Variants in NOS1 observed in about 807,000 individuals in gnomAD.
NOS1 encodes NOS type I.
Under a neutral mutation model 164.5 loss-of-function variants are expected in NOS1, and 51 were observed. The observed-to-expected ratio is 0.31, with a 90% CI of 0.25 to 0.39. NOS1 has a LOEUF of 0.39. Among genes scored for constraint, NOS1 ranks in the 10% least tolerant of loss-of-function variants. The probability of loss-of-function intolerance (pLI) is 1.00; values close to 1 mark genes in which losing one functional copy is unlikely to be tolerated. For synonymous variants in NOS1, 719 were observed against 745.8 expected, an observed-to-expected ratio of 0.96 and a Z score of 0.59; for missense variants, 1,362 against 1,885.6, an observed-to-expected ratio of 0.72 and a Z score of 5.14.
intron 2 of NOS1, among the ~76,000 whole-genome samples, chr12:117,315,272 T>G (rs1874619576): frequency 6.6e-6 from 1 of 152,122 alleles, no homozygotes. Flanking sequence ...GGCGTGATCT[T>G]GGCTCACTGT....
chr12:117,346,792 T>C (rs1376306322), intron 1 of NOS1, among the ~76,000 whole-genome samples: 1 of 152,194 alleles, frequency 6.6e-6, no homozygotes, highest in Non-Finnish European at 1.5e-5. Flanking sequence ...CCTACACAAA[T>C]GGCCATTTTA....
chr12:117,297,684 C>T (rs993873873), intron 3 of NOS1, among the ~76,000 whole-genome samples: 8 of 151,018 alleles, frequency 5.3e-5, no homozygotes, highest in African/African-American at 1.5e-4. Flanking sequence ...AGCCACTGCA[C>T]CCAGCTGGAT....
chr12:117,338,392 C>A (rs984709450), intron 1 of NOS1, among the ~76,000 whole-genome samples: 18 of 147,054 alleles, frequency 1.2e-4, no homozygotes. Context: ...CAGAACAAGA[C>A]CCTGTTTCAT....
At position 117,263,919 on chromosome 12, in the gene NOS1, C is replaced by T. The variant is rs1355786157; in HGVS notation, c.2192G>A (p.Arg731Gln). The T allele has an allele frequency of 1.2e-6, 2 of 1,613,936 alleles. No individual in the cohort carries two copies. Among genetic ancestry groups the T allele is most frequent in the Non-Finnish European group, 1.7e-6 (2 of 1,179,958 alleles). The change falls in exon 13 of 29, where the codon CGG becomes CAG. Residue 731 changes from arginine (R) to glutamine (Q), a missense_variant. Arg to Gln is a conservative substitution (Grantham distance 43). This residue lies in a region of NOS1 where 737 missense variants were observed against 1,030.3 expected (regional missense o/e 0.72). Coordinates refer to ENST00000317775, the MANE Select transcript of NOS1 (RefSeq NM_000620.5). ...TAGCTTCTTGAAGCCAATGGCTCGC[C>T]GCTTTGTGGGGGTCCCGTTGGTGCC... ...WKGTNGTPTK[R>Q]RAIGFKKLAE...
chr12:117,328,285 C>T (rs1875354774), intron 2 of NOS1, among the ~76,000 whole-genome samples: 1 of 152,084 alleles, frequency 6.6e-6, no homozygotes, highest in South Asian at 2.1e-4. Flanking sequence ...ATTCTCCTGG[C>T]TTAGCCTCCC....
intron 9 of NOS1, among the ~76,000 whole-genome samples, chr12:117,277,046 T>C (rs555394663): frequency 1.1e-4 from 16 of 152,266 alleles, no homozygotes; most frequent in African/African-American, 3.8e-4. Flanking sequence ...TTTTTAGTTT[T>C]TTGAGGATCT....
At position 117,356,668 on chromosome 12, in the gene NOS1, G is replaced by A. The variant is rs113396703; in HGVS notation, c.-421+4844C>T. On this transcript the variant is annotated intron_variant, in intron 1 of 28. Coordinates refer to ENST00000317775, the MANE Select transcript of NOS1 (RefSeq NM_000620.5). The surrounding 1 kb of genome is among the most constrained non-coding windows in gnomAD (Gnocchi z 4.2). ...TGACGTCTGCTGCCGAACAGCCCAC[G>A]ATAACTGCTGTTCATCCTTAGCATC... 9.4e-4 allele frequency among the ~76,000 whole-genome samples: 143 copies of A among 152,310 alleles called. 2 individuals are homozygous for A. The highest frequency in any genetic ancestry group is 3.4e-3 in the Middle Eastern group (1 of 294).
rs753754368 is a variant in NOS1 at position 117,243,452 on chromosome 12, G to A, written c.2824-17C>T. 1 of 1,612,808 alleles carries A rather than the reference G, an allele frequency of 6.2e-7. No individual in the cohort carries two copies. Among genetic ancestry groups the A allele is most frequent in the Non-Finnish European group, 8.5e-7 (1 of 1,179,338 alleles). ...ACAGGCTGCCTGTGGTGTACACAAG[G>A]CTTTCAGTGACCTCTTTCAGCCAAG... On this transcript the variant is annotated splice_polypyrimidine_tract_variant and intron_variant, in intron 18 of 28. Coordinates refer to ENST00000317775, the MANE Select transcript of NOS1 (RefSeq NM_000620.5). The surrounding 1 kb of genome is among the most constrained non-coding windows in gnomAD (Gnocchi z 4.3).
At chr12:117,215,478 C>G (rs1335941926) in intron 28 of NOS1, among the ~76,000 whole-genome samples, 154 bp from the exon 29 acceptor site, 1 of 151,644 alleles carries the variant, frequency 6.6e-6, no homozygotes, top group Admixed American at 6.6e-5. Flanking sequence ...GCTCTGTCAC[C>G]CAGGCTGGAG....
Position 117,253,663 on chromosome 12 carries a change from T to G in NOS1, c.2623A>C (p.Ser875Arg). ...CTCACATTGGCCAGGGGTCCAGCAC[T>G]CTCAAAGTTGTCTCTGAGGTCGGGC... ...DGPDLRDNFE[S>R]AGPLANVRFS... The change falls in exon 17 of 29, where the codon AGT becomes CGT. Residue 875 changes from serine to arginine, a missense_variant. Around this residue, in one of 4 missense-constraint regions of NOS1, gnomAD observed 737 missense variants for 1,030.3 expected, o/e 0.72. Coordinates refer to ENST00000317775, the MANE Select transcript of NOS1 (RefSeq NM_000620.5). 6.2e-7 allele frequency: 1 copy of G among 1,613,752 alleles called. No homozygotes were observed. The highest frequency in any genetic ancestry group is 8.5e-7 in the Non-Finnish European group (1 of 1,179,830).
intron 2 of NOS1, among the ~76,000 whole-genome samples, chr12:117,327,032 C>A (rs901375014): frequency 2.6e-5 from 4 of 152,156 alleles, no homozygotes; most frequent in Admixed American, 6.5e-5. Context: ...GATTCAGACT[C>A]CTGGAGTTCT....
Position 117,238,449 on chromosome 12 carries a change from CG to C in NOS1, c.3042-3692del, listed in dbSNP as rs1869898465. Among the ~76,000 whole-genome samples, 3 of 152,192 alleles carry C rather than the reference CG, an allele frequency of 2.0e-5. No homozygotes were observed. In the South Asian group the frequency reaches 6.2e-4, roughly 32 times the overall value. ...ATCTATAAACCCCCCTGCATTTCACCGTGGATCTGGCAACCCATTTCTCCAG... is the reference window on the plus strand; with the variant it reads ...ATCTATAAACCCCCCTGCATTTCACCTGGATCTGGCAACCCATTTCTCCAG... On this transcript the variant is annotated intron_variant, in intron 20 of 28. Transcript: ENST00000317775.
chr12:117,234,906 CTATTAT>C lies in NOS1; in HGVS notation c.3042-154_3042-149del, dbSNP rs10588671. ...TAACCAAGCCTATGCCCCCATCATT[CTATTAT>C]TATTATTATTATTATTATTATGGTG... On this transcript the variant is annotated intron_variant, in intron 20 of 28. Transcript: ENST00000317775. The surrounding 1 kb of genome is among the most constrained non-coding windows in gnomAD (Gnocchi z 4.3). 739 of 432,654 alleles carry C rather than the reference CTATTAT, an allele frequency of 1.7e-3. No homozygotes were observed. Among genetic ancestry groups the C allele is most frequent in the Middle Eastern group, 5.1e-3 (8 of 1,578 alleles). The allele number at this position is 432,654 out of a possible 1,614,324, so 26.8% of individuals were successfully genotyped here.
intron 28 of NOS1, among the ~76,000 whole-genome samples, chr12:117,216,559 T>C (rs1183511372): frequency 6.6e-6 from 1 of 151,618 alleles, no homozygotes; most frequent in Non-Finnish European, 1.5e-5. Context: ...CTCACTGCAG[T>C]CTCGATCTCC....
chr12:117,278,164 G>C, intron 8 of NOS1, 66 bp from the exon 9 acceptor site: 1 of 1,508,884 alleles, frequency 6.6e-7, no homozygotes, highest in Non-Finnish European at 8.9e-7. Context: ...CCCTTATGTG[G>C]GAAGCGGGGG....
At chr12:117,289,684 AAG>A (rs1872920854) in intron 4 of NOS1, among the ~76,000 whole-genome samples, 1 of 152,120 alleles carries the variant, frequency 6.6e-6, no homozygotes, top group Non-Finnish European at 1.5e-5. Flanking sequence ...TTTACAGACT[AAG>A]AGTATTTAAG....
chr12:117,266,047 C>T (rs1005725571), intron 11 of NOS1, among the ~76,000 whole-genome samples: 1 of 152,000 alleles, frequency 6.6e-6, no homozygotes, highest in East Asian at 1.9e-4. Flanking sequence ...GATCCACCCG[C>T]CTCCACCTCC....
At chr12:117,248,356 C>T (rs1360099719) in intron 17 of NOS1, among the ~76,000 whole-genome samples, 1 of 151,622 alleles carries the variant, frequency 6.6e-6, no homozygotes, top group East Asian at 1.9e-4. Context: ...CTCCCCCCAC[C>T]CCACAACAGT....
Position 117,310,823 on chromosome 12 carries a change from A to AT in NOS1, c.852+642dup, listed in dbSNP as rs9658305. Among the ~76,000 whole-genome samples the AT allele has an allele frequency of 7.3e-3, 1,106 of 150,944 alleles. 70 individuals are homozygous for AT. The East Asian group carries it at 0.17, about 23-fold the overall frequency. On this transcript the variant is annotated intron_variant, in intron 3 of 28. Coordinates refer to ENST00000317775, the MANE Select transcript of NOS1 (RefSeq NM_000620.5). Reference sequence around the variant, plus strand: ...ATTATGCTCCACTAATTAAAAAAAAATTTTTTTTTTAAAAGAGATAGGGTC... The same window carrying AT: ...ATTATGCTCCACTAATTAAAAAAAAATTTTTTTTTTTAAAAGAGATAGGGTC...
Sources: allele counts gnomAD v4.1 joint callset (sites outside exome capture counted in the v4.1 genomes callset), GRCh38; gene constraint gnomAD v4.1.1; regional missense constraint gnomAD v4.1.1; non-coding constraint Gnocchi (gnomAD v3.1); transcripts MANE v1.5; gene names NCBI Gene and HGNC (gene_info 2026-07-23, HGNC 2026-07-21).